ANTXR2: variants seen among roughly 807,000 people sequenced by gnomAD.
ANTXR2 encodes ANTXR cell adhesion molecule 2.
In ANTXR2, 44 loss-of-function variants were observed where a neutral mutation model predicts 73.7. The observed-to-expected ratio is 0.60, with a 90% CI of 0.47 to 0.77. The LOEUF is 0.77. Among genes scored for constraint, ANTXR2 ranks in the 30% least tolerant of loss-of-function variants. The pLI is 0.00. For missense variants in ANTXR2, 604 were observed against 592.5 expected (o/e 1.02, Z -0.20); for synonymous variants, 217 against 205.9 (o/e 1.05, Z -0.46).
chr4:80,055,101 A>G lies in ANTXR2; in HGVS notation c.555+49T>C, dbSNP rs1046463409. 3.6e-5 allele frequency: 53 copies of G among 1,476,588 alleles called. No homozygotes were observed. The East Asian group carries it at 8.2e-4, about 23-fold the overall frequency. The allele number at this position is 1,476,588 out of a possible 1,614,324, so 91.5% of individuals were successfully genotyped here. Reference sequence around the variant, plus strand: ...AAAAGAATTTGTTAAACTATCCTTAAGACAATTATGTGGTTCAGATTAAAG... The same window carrying G: ...AAAAGAATTTGTTAAACTATCCTTAGGACAATTATGTGGTTCAGATTAAAG... On this transcript the variant is annotated intron_variant, in intron 6 of 16. Transcript: ENST00000403729.
At chr4:79,923,418 C>G (rs1727662631) in intron 16 of ANTXR2, among the ~76,000 whole-genome samples, 1 of 152,032 alleles carries the variant, frequency 6.6e-6, no homozygotes, top group South Asian at 2.1e-4. Context: ...TGTTCTGCTT[C>G]CTGTATGTGT....
intron 10 of ANTXR2, among the ~76,000 whole-genome samples, chr4:80,031,422 T>C (rs1213068927): frequency 1.3e-5 from 2 of 151,906 alleles, no homozygotes; most frequent in African/African-American, 2.4e-5. Context: ...AAACACTTTT[T>C]AGCATTTTCA....
At chr4:80,006,021 A>C (rs1348995888) in intron 12 of ANTXR2, among the ~76,000 whole-genome samples, 1 of 152,118 alleles carries the variant, frequency 6.6e-6, no homozygotes, top group Non-Finnish European at 1.5e-5. Context: ...ATGATTCCAC[A>C]TGCACTTCAT....
rs747744502 is a variant in ANTXR2, at chr4:79,978,211, A to T, written c.1180-37T>A. 8.1e-6 allele frequency: 13 copies of T among 1,600,376 alleles called. No individual in the cohort carries two copies. The South Asian group carries it at 1.4e-4, about 18-fold the overall frequency. ...AGGGAGAGTACTGTTATCAGACATA[A>T]AGTGTCCTAGAGGAACAGGCTCTTA... On this transcript the variant is annotated intron_variant, in intron 14 of 16. Transcript: ENST00000403729.
intron 16 of ANTXR2, among the ~76,000 whole-genome samples, chr4:79,909,461 T>G (rs558690885): frequency 1.3e-5 from 2 of 152,250 alleles, no homozygotes; most frequent in Admixed American, 1.3e-4. Flanking sequence ...TCAAATTCAC[T>G]TCAATACCTA....
At chr4:80,027,057 A>G (rs1457403609) in intron 10 of ANTXR2, among the ~76,000 whole-genome samples, 1 of 152,164 alleles carries the variant, frequency 6.6e-6, no homozygotes, top group African/African-American at 2.4e-5. Flanking sequence ...GCTTTAACCC[A>G]TATCATCATG....
At chr4:80,022,681 T>C (rs1732224769) in intron 10 of ANTXR2, among the ~76,000 whole-genome samples, 1 of 152,234 alleles carries the variant, frequency 6.6e-6, no homozygotes, top group African/African-American at 2.4e-5. Context: ...ATACGCTCAG[T>C]AACAGAGGCT....
At chr4:80,028,760 T>C (rs577924997) in intron 10 of ANTXR2, among the ~76,000 whole-genome samples, 2 of 152,310 alleles carry the variant, frequency 1.3e-5, no homozygotes, top group South Asian at 4.1e-4. Context: ...ATCAGTCACC[T>C]TACAAGGCTA....
chr4:79,945,268 A>G (rs1219206873), intron 16 of ANTXR2, among the ~76,000 whole-genome samples: 1 of 152,054 alleles, frequency 6.6e-6, no homozygotes, highest in Non-Finnish European at 1.5e-5. Context: ...AACATGCCCT[A>G]AGTTTTGTTA....
chr4:79,991,059 A>G (rs974344381), intron 12 of ANTXR2, among the ~76,000 whole-genome samples: 6 of 152,206 alleles, frequency 3.9e-5, no homozygotes, highest in African/African-American at 1.4e-4. Flanking sequence ...TTCATGATGA[A>G]GTTTCCAAAA....
chr4:80,024,641 A>G (rs1005672031), intron 10 of ANTXR2: 1 of 434,622 alleles, frequency 2.3e-6, no homozygotes, highest in Non-Finnish European at 4.6e-6. Flanking sequence ...ACATGCCTGT[A>G]GCCCCAGCTA....
chr4:80,069,398 T>C, intron 3 of ANTXR2, 38 bp downstream of exon 3: 1 of 1,475,640 alleles, frequency 6.8e-7, no homozygotes, highest in Non-Finnish European at 9.3e-7. Context: ...AAAATTCATC[T>C]CTACTAAAAG....
chr4:80,025,090 T>C (rs1732366028), intron 10 of ANTXR2, among the ~76,000 whole-genome samples: 1 of 152,300 alleles, frequency 6.6e-6, no homozygotes, highest in Non-Finnish European at 1.5e-5. Context: ...AACAACTTAA[T>C]GTAACAAAAA....
At chr4:80,051,077 T>C (rs929465146) in intron 7 of ANTXR2, among the ~76,000 whole-genome samples, 1 of 151,762 alleles carries the variant, frequency 6.6e-6, no homozygotes. Flanking sequence ...TTGTTTCTCA[T>C]TAAATCTATC....
In ANTXR2 at chr4:80,055,462, A is replaced by G. The variant is rs1303463219; in HGVS notation, c.384T>C (p.Asn128=). The part of the protein sequence containing the change: ...TYIHEGLKLA[N]EQIQKAGGLK... ...AGCCTCCTGCTTTCTGAATTTGTTC[A>G]TTCGCCTGAAAATGAAGAATAATTA... The change falls in exon 5 of 17, where the codon AAT becomes AAC. Residue 128 remains asparagine, a synonymous_variant. Transcript: ENST00000403729. 5.0e-6 allele frequency: 8 copies of G among 1,608,082 alleles called. No individual in the cohort carries two copies. Among genetic ancestry groups the G allele is most frequent in the Non-Finnish European group, 6.8e-6 (8 of 1,176,364 alleles).
chr4:79,926,902 C>CGTGTGCATAT (rs1560866729), intron 16 of ANTXR2, among the ~76,000 whole-genome samples: 19 of 133,672 alleles, frequency 1.4e-4, no homozygotes, highest in African/African-American at 4.6e-4. Flanking sequence ...TGTATATACA[C>CGTGTGCATAT]ATGTGTGCAT....
At chr4:79,931,613 G>GCCAGC (rs1728061458) in intron 16 of ANTXR2, among the ~76,000 whole-genome samples, 2 of 152,210 alleles carry the variant, frequency 1.3e-5, no homozygotes, top group South Asian at 4.1e-4. Flanking sequence ...GTAAAAGAAT[G>GCCAGC]CCAGCGCCAA....
intron 16 of ANTXR2, among the ~76,000 whole-genome samples, chr4:79,911,588 A>C (rs1476413384): frequency 1.3e-5 from 2 of 151,962 alleles, no homozygotes; most frequent in Non-Finnish European, 2.9e-5. Flanking sequence ...TAATATGCCA[A>C]AATAGAGGAA....
chr4:80,015,909 AGG>A (rs1560993848), intron 11 of ANTXR2, among the ~76,000 whole-genome samples: 1 of 58,838 alleles, frequency 1.7e-5, no homozygotes, highest in African/African-American at 5.7e-5. Context: ...AGGAAAGGAA[AGG>A]AAAGGAAAGG....
Sources: allele counts gnomAD v4.1 joint callset (sites outside exome capture counted in the v4.1 genomes callset), GRCh38; gene constraint gnomAD v4.1.1; transcripts MANE v1.5; gene names NCBI Gene and HGNC (gene_info 2026-07-23, HGNC 2026-07-21).